ULK4: variants seen among roughly 807,000 people sequenced by gnomAD.
ULK4 encodes unc-51 like kinase 4.
In ULK4, 133 loss-of-function variants were observed where a neutral mutation model predicts 160.6. The observed-to-expected ratio is 0.83, with a 90% CI of 0.72 to 0.96. The LOEUF (loss-of-function observed/expected upper bound fraction) is 0.96, where lower values mean the gene tolerates loss of function less well. ULK4 is among the 40% of genes least tolerant of loss of function. The pLI is 0.00. For missense variants in ULK4, 1,580 were observed against 1,499.5 expected, an observed-to-expected ratio of 1.05 and a Z score of -0.89; for synonymous variants, 534 against 539.8, an observed-to-expected ratio of 0.99 and a Z score of 0.15.
chr3:41,876,885 G>C (rs932731954), intron 17 of ULK4, among the ~76,000 whole-genome samples: 10 of 152,198 alleles, frequency 6.6e-5, no homozygotes, highest in African/African-American at 2.4e-4. Flanking sequence ...GAGAGCACAA[G>C]AGGATCCCCG....
intron 34 of ULK4, among the ~76,000 whole-genome samples, chr3:41,425,217 C>T (rs1012742686): frequency 6.6e-6 from 1 of 151,894 alleles, no homozygotes; most frequent in African/African-American, 2.4e-5. Context: ...GACTATATTG[C>T]TGAAATAAGA....
chr3:41,800,032 T>C (rs1390387809), intron 20 of ULK4, 100 bp downstream of exon 20: 1 of 1,153,110 alleles, frequency 8.7e-7, no homozygotes, highest in Non-Finnish European at 1.2e-6. Flanking sequence ...GATTTCAGTT[T>C]CCTATCTATT....
At chr3:41,959,532 ATAATAAT>A (rs1700602311) in intron 1 of ULK4, among the ~76,000 whole-genome samples, 1 of 148,542 alleles carries the variant, frequency 6.7e-6, no homozygotes, top group Non-Finnish European at 1.5e-5. Context: ...AAAAAAAATA[ATAATAAT>A]TAATTAATTA....
At chr3:41,270,113 A>G (rs990940395) in intron 35 of ULK4, among the ~76,000 whole-genome samples, 1 of 152,204 alleles carries the variant, frequency 6.6e-6, no homozygotes, top group African/African-American at 2.4e-5. Context: ...GTTGGAGGTC[A>G]TGATATTACT....
intron 2 of ULK4, among the ~76,000 whole-genome samples, chr3:41,953,308 T>TATACA (rs1700364384): frequency 1.0e-5 from 1 of 96,918 alleles, no homozygotes; most frequent in Admixed American, 1.2e-4. Flanking sequence ...ATATATATTT[T>TATACA]TTTTTTTTTT....
intron 31 of ULK4, among the ~76,000 whole-genome samples, chr3:41,607,764 A>T (rs1352707340): frequency 6.6e-6 from 1 of 152,216 alleles, no homozygotes; most frequent in Non-Finnish European, 1.5e-5. Flanking sequence ...CATGGTCATT[A>T]AATAGAATAA....
intron 32 of ULK4, among the ~76,000 whole-genome samples, chr3:41,534,232 C>T (rs988463859): frequency 1.3e-5 from 2 of 152,292 alleles, no homozygotes; most frequent in East Asian, 3.9e-4. Context: ...TGATTTCTGA[C>T]ACTCCATAAA....
chr3:41,708,241 G>A (rs1306197443), intron 25 of ULK4, among the ~76,000 whole-genome samples: 1 of 151,936 alleles, frequency 6.6e-6, no homozygotes. Context: ...GCACTCCCAT[G>A]TTCACTGCAG....
chr3:41,403,027 G>A (rs978034487), intron 34 of ULK4, among the ~76,000 whole-genome samples: 8 of 152,164 alleles, frequency 5.3e-5, no homozygotes, highest in African/African-American at 1.4e-4. Context: ...GCACATGCCT[G>A]TAATCCCAGC....
intron 30 of ULK4, among the ~76,000 whole-genome samples, chr3:41,644,302 C>T (rs1260486966): frequency 6.6e-6 from 1 of 151,560 alleles, no homozygotes; most frequent in African/African-American, 2.4e-5. Flanking sequence ...CAGTTTTTGC[C>T]CATTCAGTAT....
chr3:41,458,406 T>C (rs2083603783), intron 33 of ULK4, among the ~76,000 whole-genome samples: 1 of 152,108 alleles, frequency 6.6e-6, no homozygotes, highest in South Asian at 2.1e-4. Flanking sequence ...CATTGACAGT[T>C]ATGCTCTAGT....
At chr3:41,880,296 A>T (rs1697468608) in intron 17 of ULK4, among the ~76,000 whole-genome samples, 1 of 151,892 alleles carries the variant, frequency 6.6e-6, no homozygotes, top group Non-Finnish European at 1.5e-5. Flanking sequence ...TAGGAATATA[A>T]GCTTCAGATG....
Position 41,962,013 on chromosome 3 carries a change from C to T in ULK4, c.-49+3G>A, listed in dbSNP as rs970420311. The T allele has an allele frequency of 6.6e-6, 1 of 152,444 alleles. No individual in the cohort carries two copies. The highest frequency in any genetic ancestry group is 1.5e-5 in the Non-Finnish European group (1 of 68,198). 9.4% of individuals were successfully genotyped at this position (152,444 alleles called of 1,614,324 possible). Reference sequence around the variant, plus strand: ...AGCTACTAAAACCGCCACTGCCACGCACCTGGTAGCTAAGTCAAGAAAAGA... The same window carrying T: ...AGCTACTAAAACCGCCACTGCCACGTACCTGGTAGCTAAGTCAAGAAAAGA... On this transcript the variant is annotated splice_donor_region_variant and intron_variant, in intron 1 of 36. Coordinates refer to ENST00000301831, the MANE Select transcript of ULK4 (RefSeq NM_017886.4).
chr3:41,900,591 A>G (rs1318024144), intron 13 of ULK4, 134 bp downstream of exon 13: 2 of 715,570 alleles, frequency 2.8e-6, no homozygotes, highest in East Asian at 5.6e-5. Context: ...GCAGACATGC[A>G]GCACAAATGA....
intron 34 of ULK4, among the ~76,000 whole-genome samples, chr3:41,403,229 T>C (rs1014793288): frequency 6.6e-6 from 1 of 152,122 alleles, no homozygotes; most frequent in African/African-American, 2.4e-5. Flanking sequence ...CCAGTGAAAT[T>C]ATCTGGGCCC....
chr3:41,639,354 T>C (rs114883393), intron 30 of ULK4, among the ~76,000 whole-genome samples: 110 of 152,312 alleles, frequency 7.2e-4, no homozygotes, highest in Non-Finnish European at 6.3e-4. Context: ...AAGTTCAAAA[T>C]ACCTGAAAGA....
chr3:41,803,747 G>C (rs2040546176), intron 19 of ULK4, among the ~76,000 whole-genome samples: 1 of 151,644 alleles, frequency 6.6e-6, no homozygotes, highest in South Asian at 2.1e-4. Flanking sequence ...TTGGTTTTTT[G>C]TCCTTGCAAT....
At chr3:41,588,204 G>T (rs1403199952) in intron 31 of ULK4, among the ~76,000 whole-genome samples, 1 of 152,004 alleles carries the variant, frequency 6.6e-6, no homozygotes, top group African/African-American at 2.4e-5. Context: ...GCAAAAAGCA[G>T]GAGAAACATA....
In ULK4 at chr3:41,803,689, T is replaced by C. The variant is rs539026437; in HGVS notation, c.1849-3396A>G. On this transcript the variant is annotated intron_variant, in intron 19 of 36. Transcript: ENST00000301831. Reference sequence around the variant, plus strand: ...AGTGATGTTCCCCTTCCTGTGTCCATGTGTTCTCATTGTTCAATTCCCACC... The same window carrying C: ...AGTGATGTTCCCCTTCCTGTGTCCACGTGTTCTCATTGTTCAATTCCCACC... Among the ~76,000 whole-genome samples the C allele has an allele frequency of 3.3e-5, 5 of 152,126 alleles. No individual in the cohort carries two copies. The East Asian group carries it at 5.8e-4, about 18-fold the overall frequency.
Sources: allele counts gnomAD v4.1 joint callset (sites outside exome capture counted in the v4.1 genomes callset), GRCh38; gene constraint gnomAD v4.1.1; transcripts MANE v1.5; gene names NCBI Gene and HGNC (gene_info 2026-07-23, HGNC 2026-07-21).